HERC4: variants seen among roughly 807,000 people sequenced by gnomAD.
The protein encoded by HERC4 is HECT and RLD domain containing E3 ubiquitin protein ligase 4.
HERC4 carries 28 observed loss-of-function variants against 124.3 expected under a neutral mutation model. The observed-to-expected ratio is 0.23, with a 90% CI of 0.17 to 0.31. The LOEUF is 0.31. HERC4 is among the 10% of genes least tolerant of loss of function. The pLI, the probability that HERC4 is intolerant of heterozygous loss-of-function variation, is 1.00. For missense variants in HERC4, 713 were observed against 1,229.3 expected, an observed-to-expected ratio of 0.58 and a Z score of 6.28; for synonymous variants, 407 against 421.5, an observed-to-expected ratio of 0.97 and a Z score of 0.42.
chr10:67,924,815 TAGTTTATTGTAACCAC>T (rs2030694368), intron 24 of HERC4, among the ~76,000 whole-genome samples: 1 of 152,238 alleles, frequency 6.6e-6, no homozygotes, highest in Non-Finnish European at 1.5e-5. Flanking sequence ...TCTACAATCC[TAGTTTATTGTAACCAC>T]AGTTTATTGT....
intron 20 of HERC4, 148 bp downstream of exon 20, chr10:67,940,791 T>A (rs1048610633): frequency 9.0e-5 from 65 of 719,566 alleles, no homozygotes; most frequent in Non-Finnish European, 1.2e-4. Context: ...ACATAATGGA[T>A]TTTCCTTTAT....
At position 68,054,591 on chromosome 10, in the gene HERC4, A is replaced by T. The variant is rs2040464698; in HGVS notation, c.227-10028T>A. 2.6e-5 allele frequency among the ~76,000 whole-genome samples: 4 copies of T among 151,924 alleles called. No homozygotes were observed. In the South Asian group the frequency reaches 8.3e-4, roughly 32 times the overall value. On this transcript the variant is annotated intron_variant, in intron 3 of 24. Coordinates refer to ENST00000373700, the MANE Select transcript of HERC4 (RefSeq NM_015601.4). ...ACTCCTGACCTCAAGTGATCCACCC[A>T]CCTCAGCCTCACAAAGTGTTGGGAT...
intron 23 of HERC4, among the ~76,000 whole-genome samples, chr10:67,928,259 T>A (rs1350559142): frequency 6.6e-6 from 1 of 152,136 alleles, no homozygotes; most frequent in Non-Finnish European, 1.5e-5. Context: ...AGCTGTTATA[T>A]CATTTTCATT....
At chr10:68,040,300 T>A in intron 4 of HERC4, 1 of 976,882 alleles carries the variant, frequency 1.0e-6, no homozygotes, top group Non-Finnish European at 1.2e-6. Flanking sequence ...TATATTCTTC[T>A]GCGTCATTAC....
At chr10:68,059,469 T>TACATTATA (rs1479410718) in intron 3 of HERC4, among the ~76,000 whole-genome samples, 1 of 132,136 alleles carries the variant, frequency 7.6e-6, no homozygotes, top group African/African-American at 2.9e-5. Flanking sequence ...AATAATATTA[T>TACATTATA]ATATTATAAT....
chr10:68,039,559 T>G (rs1235912002), intron 4 of HERC4: 3 of 1,537,442 alleles, frequency 2.0e-6, no homozygotes, highest in African/African-American at 1.4e-5. Context: ...ATTAAAAATA[T>G]TTTTATTTAG....
intron 3 of HERC4, among the ~76,000 whole-genome samples, chr10:68,049,878 T>C (rs1377319270): frequency 6.6e-6 from 1 of 152,086 alleles, no homozygotes; most frequent in East Asian, 1.9e-4. Flanking sequence ...GCCACTGCAC[T>C]CAAGCCTGGG....
intron 19 of HERC4, among the ~76,000 whole-genome samples, chr10:67,944,627 A>G (rs2033181592): frequency 6.6e-6 from 1 of 152,388 alleles, no homozygotes; most frequent in South Asian, 2.1e-4. Context: ...CCAGTGACCA[A>G]TCATGGAGAG....
At chr10:67,926,023 G>A (rs1453317871) in intron 23 of HERC4, among the ~76,000 whole-genome samples, 2 of 152,156 alleles carry the variant, frequency 1.3e-5, no homozygotes, top group Admixed American at 6.5e-5. Context: ...TATGAAACAA[G>A]AGTTTCATTG....
intron 3 of HERC4, among the ~76,000 whole-genome samples, chr10:68,062,899 C>G (rs1368179544): frequency 2.0e-5 from 3 of 152,142 alleles, no homozygotes; most frequent in Non-Finnish European, 4.4e-5. Flanking sequence ...TAGATATTCA[C>G]CAAATTAAAT....
At chr10:68,013,920 A>C in intron 9 of HERC4, 106 bp downstream of exon 9, 1 of 973,022 alleles carries the variant, frequency 1.0e-6, no homozygotes, top group Admixed American at 2.6e-5. Flanking sequence ...GTTTTCACTT[A>C]ACAATGTATC....
At position 68,025,547 on chromosome 10, in the gene HERC4, G is replaced by A. The variant is rs948308367; in HGVS notation, c.907C>T (p.Arg303Trp). The A allele has an allele frequency of 1.2e-6, 2 of 1,612,392 alleles. No homozygotes were observed. Among genetic ancestry groups the A allele is most frequent in the African/African-American group, 1.3e-5 (1 of 74,780 alleles). The change falls in exon 8 of 25, where the codon CGG (arginine) becomes TGG (tryptophan). Residue 303 changes from arginine (R) to tryptophan (W), a missense_variant and splice_region_variant. Coordinates refer to ENST00000373700, the MANE Select transcript of HERC4 (RefSeq NM_015601.4). ...ATGCTCTTTTACATAACACCTTACC[G>A]TCCACAAGCAATCTCAGTGACAATG... The part of the protein sequence containing the change: ...GSIVTEIACG[R>W]QHTSAFVPSS...
At chr10:68,070,845 C>G (rs2041540820) in intron 3 of HERC4, among the ~76,000 whole-genome samples, 1 of 152,118 alleles carries the variant, frequency 6.6e-6, no homozygotes, top group Admixed American at 6.5e-5. Flanking sequence ...TATTTCCTAG[C>G]TGTTTATGTG....
intron 9 of HERC4, chr10:67,992,890 G>A (rs945931303): frequency 2.5e-6 from 1 of 407,124 alleles, no homozygotes; most frequent in African/African-American, 2.1e-5. Flanking sequence ...ACAAGCATAA[G>A]CAGCATTTGG....
At chr10:68,025,448 G>A in intron 8 of HERC4, 98 bp downstream of exon 8, 1 of 1,359,234 alleles carries the variant, frequency 7.4e-7, no homozygotes, top group South Asian at 1.6e-5. Flanking sequence ...GGCAGAATGT[G>A]TTTCCTCAGA....
At chr10:68,054,014 CA>C (rs751827867) in intron 3 of HERC4, among the ~76,000 whole-genome samples, 4 of 152,104 alleles carry the variant, frequency 2.6e-5, no homozygotes, top group Non-Finnish European at 5.9e-5. Flanking sequence ...TTAAAACCAC[CA>C]GAGATTAAGT....
chr10:68,012,412 G>C (rs2038013695), intron 9 of HERC4, among the ~76,000 whole-genome samples: 1 of 152,180 alleles, frequency 6.6e-6, no homozygotes, highest in Non-Finnish European at 1.5e-5. Flanking sequence ...TAAAGTGAGA[G>C]ATTTTCTTTT....
chr10:68,009,530 G>C (rs1370724846), intron 9 of HERC4, among the ~76,000 whole-genome samples: 1 of 152,166 alleles, frequency 6.6e-6, no homozygotes, highest in Non-Finnish European at 1.5e-5. Flanking sequence ...TTGAGGCTTT[G>C]CAAGTCTTAA....
Position 68,005,609 on chromosome 10 carries a change from C to T in HERC4, c.1069+8417G>A, listed in dbSNP as rs1305942030. On this transcript the variant is annotated intron_variant, in intron 9 of 24. Coordinates refer to ENST00000373700, the MANE Select transcript of HERC4 (RefSeq NM_015601.4). ...CTTGTTTTATGGTCTTCTCTTCCTT[C>T]TTTCCTTCCTTCCTATCTTCCTTTT... Among the ~76,000 whole-genome samples the T allele has an allele frequency of 2.0e-5, 3 of 151,040 alleles. No homozygotes were observed. In the East Asian group the frequency reaches 5.8e-4, roughly 29 times the overall value.
Sources: allele counts gnomAD v4.1 joint callset (sites outside exome capture counted in the v4.1 genomes callset), GRCh38; gene constraint gnomAD v4.1.1; transcripts MANE v1.5; gene names NCBI Gene and HGNC (gene_info 2026-07-23, HGNC 2026-07-21).